Variants in SEM1 observed in about 807,000 individuals in gnomAD.
SEM1 encodes the protein SEM1 26S proteasome subunit, also known as 26S proteasome complex subunit SEM1.
A neutral mutation model predicts 12.7 loss-of-function variants in SEM1; 3 were observed. The ratio of observed to expected loss-of-function variants is 0.24; its 90% CI spans 0.11 to 0.61. The LOEUF (loss-of-function observed/expected upper bound fraction) is 0.61. Ranked by LOEUF, SEM1 falls within the 20% of genes least tolerant of loss-of-function variation. The pLI is 0.88. For synonymous variants in SEM1, 30 were observed against 27.8 expected (o/e 1.08, Z -0.25); for missense variants, 59 against 81.3 (o/e 0.73, Z 1.06).
At chr7:96,660,491 A>G (rs1454073032) in intron 2 of SEM1, among the ~76,000 whole-genome samples, 2 of 152,180 alleles carry the variant, frequency 1.3e-5, no homozygotes, top group Non-Finnish European at 2.9e-5. Flanking sequence ...TCTGAACATA[A>G]TAACTTAATC....
chr7:96,530,686 A>T (rs570805796), intron 2 of SEM1, among the ~76,000 whole-genome samples: 26 of 152,262 alleles, frequency 1.7e-4, no homozygotes, highest in Admixed American at 1.6e-3. Flanking sequence ...TCGGCGTAGC[A>T]TTCCTAAGCA....
chr7:96,584,585 C>G (rs1268961332), intron 2 of SEM1, among the ~76,000 whole-genome samples: 1 of 151,594 alleles, frequency 6.6e-6, no homozygotes, highest in Non-Finnish European at 1.5e-5. Flanking sequence ...TTCCATTCTC[C>G]CCGTCACTTT....
At chr7:96,636,251 G>T (rs2116365024) in intron 2 of SEM1, among the ~76,000 whole-genome samples, 1 of 152,148 alleles carries the variant, frequency 6.6e-6, no homozygotes, top group Non-Finnish European at 1.5e-5. Flanking sequence ...AGGCACCTAT[G>T]AGAAGTCAAA....
intron 2 of SEM1, among the ~76,000 whole-genome samples, chr7:96,525,662 G>T (rs1444349683): frequency 6.6e-6 from 1 of 151,974 alleles, no homozygotes; most frequent in Non-Finnish European, 1.5e-5. Context: ...ATAAAGCAGG[G>T]GTCTCCACCC....
At chr7:96,660,956 GAAC>G (rs1788983657) in intron 2 of SEM1, among the ~76,000 whole-genome samples, 2 of 152,096 alleles carry the variant, frequency 1.3e-5, no homozygotes, top group Admixed American at 1.3e-4. Context: ...ATTTGAAATA[GAAC>G]AAGTGAAAGG....
chr7:96,533,577 T>A (rs114383837), intron 2 of SEM1, among the ~76,000 whole-genome samples: 4,803 of 152,036 alleles, frequency 0.032, 243 homozygotes, highest in African/African-American at 0.11. Context: ...CATAAGCTTG[T>A]GAAGGTAGCA....
chr7:96,531,983 A>G (rs1203982271), intron 2 of SEM1, among the ~76,000 whole-genome samples: 1 of 152,086 alleles, frequency 6.6e-6, no homozygotes, highest in Non-Finnish European at 1.5e-5. Context: ...ATTCTTCTGG[A>G]AAGTTAGTCT....
At chr7:96,586,042 T>C (rs536062370) in intron 2 of SEM1, among the ~76,000 whole-genome samples, 2 of 152,350 alleles carry the variant, frequency 1.3e-5, no homozygotes, top group East Asian at 3.9e-4. Context: ...TCTTGCTATG[T>C]TGCCCAGGCT....
At chr7:96,484,793 A>G in intron 3 of SEM1, 1 of 1,254,114 alleles carries the variant, frequency 8.0e-7, no homozygotes, top group Non-Finnish European at 1.0e-6. Flanking sequence ...AAAGTTACCC[A>G]TTTATATCCA....
chr7:96,691,776 T>G (rs1163242835), intron 2 of SEM1, among the ~76,000 whole-genome samples: 1 of 152,228 alleles, frequency 6.6e-6, no homozygotes, highest in African/African-American at 2.4e-5. Flanking sequence ...AAAAATTCAG[T>G]CCCTTAGCTG....
At chr7:96,630,574 A>G (rs1808218851) in intron 2 of SEM1, among the ~76,000 whole-genome samples, 2 of 152,122 alleles carry the variant, frequency 1.3e-5, no homozygotes, top group Admixed American at 6.5e-5. Flanking sequence ...GCCATCCAAG[A>G]GCCAACTCCT....
At chr7:96,696,660 T>C (rs1464606397) in intron 1 of SEM1, 1 of 151,988 alleles carries the variant, frequency 6.6e-6, no homozygotes. Flanking sequence ...TGTATTAACC[T>C]GGATTATGTA....
chr7:96,659,924 A>C (rs575892924), intron 2 of SEM1, among the ~76,000 whole-genome samples: 32 of 148,570 alleles, frequency 2.2e-4, no homozygotes, highest in South Asian at 1.5e-3. Context: ...AAAAAAAAAA[A>C]AAAAAACAAA....
At chr7:96,579,188 G>C (rs1161964886) in intron 2 of SEM1, among the ~76,000 whole-genome samples, 1 of 152,170 alleles carries the variant, frequency 6.6e-6, no homozygotes, top group Non-Finnish European at 1.5e-5. Flanking sequence ...AAATCATTAT[G>C]ATGCCATCAT....
chr7:96,595,514 A>AAAAC (rs924615206), intron 2 of SEM1, among the ~76,000 whole-genome samples: 18 of 152,182 alleles, frequency 1.2e-4, no homozygotes, highest in African/African-American at 4.1e-4. Context: ...ACAAAAACAC[A>AAAAC]AAACAAACAA....
At chr7:96,642,259 C>T (rs1252881752) in intron 2 of SEM1, among the ~76,000 whole-genome samples, 4 of 152,044 alleles carry the variant, frequency 2.6e-5, no homozygotes, top group Admixed American at 6.6e-5. Flanking sequence ...AGGTTGAAGA[C>T]ACCTGTTTTA....
At chr7:96,709,506 G>T (rs1245850830) in intron 1 of SEM1, among the ~76,000 whole-genome samples, 182 bp downstream of exon 1, 2 of 152,080 alleles carry the variant, frequency 1.3e-5, no homozygotes, top group Non-Finnish European at 2.9e-5. Flanking sequence ...GAGTCCCAGC[G>T]CAACACCCCA....
At chr7:96,483,788 T>C (rs1802637891) in exon 4 of SEM1, 1 of 1,523,496 alleles carries the variant, frequency 6.6e-7, no homozygotes. Flanking sequence ...GGATATCTGG[T>C]ATCAGCATGT....
At chr7:96,592,298 T>C (rs1806854044) in intron 2 of SEM1, among the ~76,000 whole-genome samples, 1 of 151,936 alleles carries the variant, frequency 6.6e-6, no homozygotes, top group Non-Finnish European at 1.5e-5. Flanking sequence ...ACCAAGATTT[T>C]TCAGCTTGTG....
Sources: allele counts gnomAD v4.1 joint callset (sites outside exome capture counted in the v4.1 genomes callset), GRCh38; gene constraint gnomAD v4.1.1; transcripts MANE v1.5; gene names NCBI Gene and HGNC (gene_info 2026-07-23, HGNC 2026-07-21).